PTPRT: variants seen among roughly 807,000 people sequenced by gnomAD.
PTPRT encodes the protein receptor-type tyrosine-protein phosphatase T.
Under a neutral mutation model 176.8 loss-of-function variants are expected in PTPRT, and 56 were observed. The observed-to-expected ratio is 0.32, with a 90% CI of 0.26 to 0.40. PTPRT has a LOEUF of 0.40. PTPRT is among the 10% of genes least tolerant of loss of function. The pLI is 1.00. For synonymous variants in PTPRT, 783 were observed against 739.0 expected, an observed-to-expected ratio of 1.06 and a Z score of -0.96; for missense variants, 1,540 against 1,908.2, an observed-to-expected ratio of 0.81 and a Z score of 3.60.
intron 7 of PTPRT, among the ~76,000 whole-genome samples, chr20:42,560,147 G>A (rs144271465): frequency 4.6e-5 from 7 of 152,272 alleles, no homozygotes; most frequent in South Asian, 2.1e-4. Context: ...AGTCTGGTTC[G>A]CTCAACCTCT....
intron 2 of PTPRT, among the ~76,000 whole-genome samples, chr20:42,873,686 T>A (rs926668592): frequency 6.8e-6 from 1 of 147,860 alleles, no homozygotes; most frequent in Admixed American, 6.7e-5. Context: ...GATTTTTTCA[T>A]ACTAAGTTTT....
At chr20:42,466,076 C>A (rs1357722143) in intron 8 of PTPRT, among the ~76,000 whole-genome samples, 1 of 152,110 alleles carries the variant, frequency 6.6e-6, no homozygotes, top group Non-Finnish European at 1.5e-5. Flanking sequence ...ACTTCCAGCT[C>A]CATCCATGTT....
chr20:42,648,368 C>T (rs922012064), intron 7 of PTPRT, among the ~76,000 whole-genome samples: 19 of 152,106 alleles, frequency 1.2e-4, no homozygotes, highest in South Asian at 4.2e-4. Context: ...AAACCAAGCC[C>T]GGCAGAGAGA....
intron 7 of PTPRT, among the ~76,000 whole-genome samples, chr20:42,615,449 C>G (rs1278945563): frequency 7.2e-6 from 1 of 138,516 alleles, no homozygotes; most frequent in Non-Finnish European, 1.5e-5. Flanking sequence ...TGGGTATATA[C>G]CCAGTAATGG....
At chr20:42,398,106 T>A (rs1187614046) in intron 9 of PTPRT, among the ~76,000 whole-genome samples, 1 of 152,152 alleles carries the variant, frequency 6.6e-6, no homozygotes, top group East Asian at 1.9e-4. Context: ...TGATCTATTG[T>A]CTGTGGTATA....
At chr20:42,846,352 A>C (rs2078371993) in intron 2 of PTPRT, among the ~76,000 whole-genome samples, 1 of 104,702 alleles carries the variant, frequency 9.6e-6, no homozygotes, top group Non-Finnish European at 2.1e-5. Context: ...AGAGCTCAGC[A>C]AAATGCATCA....
At chr20:42,875,359 T>C (rs1221425956) in intron 2 of PTPRT, among the ~76,000 whole-genome samples, 1 of 152,216 alleles carries the variant, frequency 6.6e-6, no homozygotes, top group Non-Finnish European at 1.5e-5. Flanking sequence ...TTTCCTTGCC[T>C]TTTCTATCAA....
At chr20:43,165,232 C>T (rs1414858716) in intron 1 of PTPRT, among the ~76,000 whole-genome samples, 2 of 151,164 alleles carry the variant, frequency 1.3e-5, no homozygotes, top group African/African-American at 2.4e-5. Flanking sequence ...AATGTCGGCT[C>T]ACTGCAACCT....
chr20:43,182,954 T>C (rs186356981), intron 1 of PTPRT, among the ~76,000 whole-genome samples: 1 of 152,228 alleles, frequency 6.6e-6, no homozygotes, highest in Admixed American at 6.5e-5. Context: ...GAATGAATGA[T>C]CTATTCTCTC....
intron 7 of PTPRT, among the ~76,000 whole-genome samples, chr20:42,550,359 G>A (rs1366039852): frequency 2.0e-5 from 3 of 152,090 alleles, no homozygotes; most frequent in Admixed American, 1.3e-4. Context: ...GGGGAGAGAG[G>A]GAGAGAGGGA....
At chr20:42,697,872 GTT>G in intron 6 of PTPRT, among the ~76,000 whole-genome samples, 1 of 152,248 alleles carries the variant, frequency 6.6e-6, no homozygotes, top group Admixed American at 6.5e-5. Context: ...CAATAACAAA[GTT>G]CTCTTAAAAT....
At chr20:42,583,132 C>T (rs1208613052) in intron 7 of PTPRT, among the ~76,000 whole-genome samples, 1 of 152,128 alleles carries the variant, frequency 6.6e-6, no homozygotes, top group Admixed American at 6.6e-5. Flanking sequence ...ATGAGAATAT[C>T]TTGCAACTCC....
At chr20:42,133,532 T>C (rs1301283755) in intron 18 of PTPRT, among the ~76,000 whole-genome samples, 1 of 152,136 alleles carries the variant, frequency 6.6e-6, no homozygotes, top group Non-Finnish European at 1.5e-5. Context: ...TCCAGGGGCT[T>C]GGGAGGAGGG....
chr20:42,737,632 CAA>C (rs3064883), intron 6 of PTPRT, among the ~76,000 whole-genome samples: 2 of 144,902 alleles, frequency 1.4e-5, no homozygotes, highest in Admixed American at 6.8e-5. Flanking sequence ...ATTCTGCCTC[CAA>C]AAAAAAAAAG....
chr20:42,130,118 T>C (rs889557479), intron 18 of PTPRT, among the ~76,000 whole-genome samples: 17 of 152,336 alleles, frequency 1.1e-4, no homozygotes, highest in African/African-American at 4.1e-4. Context: ...CGGTCGCTCC[T>C]GTTTCCAAAG....
intron 7 of PTPRT, among the ~76,000 whole-genome samples, chr20:42,663,389 C>A (rs544402411): frequency 6.6e-6 from 1 of 152,132 alleles, no homozygotes; most frequent in Non-Finnish European, 1.5e-5. Flanking sequence ...GACGGCAATG[C>A]GACCCCTTGC....
At chr20:43,099,121 A>C (rs1049448354) in intron 1 of PTPRT, among the ~76,000 whole-genome samples, 10 of 150,460 alleles carry the variant, frequency 6.6e-5, no homozygotes, top group Admixed American at 2.0e-4. Context: ...ACACACACAC[A>C]CACCCTGGAT....
At chr20:43,070,376 G>A (rs2011164299) in intron 1 of PTPRT, among the ~76,000 whole-genome samples, 1 of 152,192 alleles carries the variant, frequency 6.6e-6, no homozygotes, top group African/African-American at 2.4e-5. Context: ...CACTGTTGGT[G>A]GGACTGTAAA....
chr20:43,091,493 TTC>T (rs150186688), intron 1 of PTPRT, among the ~76,000 whole-genome samples: 42,997 of 123,338 alleles, frequency 0.35, 7,635 homozygotes, highest in Admixed American at 0.41. Flanking sequence ...CTCTCTCTAT[TTC>T]TCTCTCTCTC....
Sources: allele counts gnomAD v4.1 joint callset (sites outside exome capture counted in the v4.1 genomes callset), GRCh38; gene constraint gnomAD v4.1.1; transcripts MANE v1.5; gene names NCBI Gene and HGNC (gene_info 2026-07-23, HGNC 2026-07-21).